The following ANO9 variants were observed in gnomAD, a reference collection of about 807,000 sequenced individuals.
ANO9 encodes the protein anoctamin 9, also known as anoctamin-9.
A neutral mutation model predicts 100.5 loss-of-function variants in ANO9; 80 were observed. The ratio of observed to expected loss-of-function variants is 0.80; its 90% CI spans 0.66 to 0.96. The LOEUF (loss-of-function observed/expected upper bound fraction) is 0.96. ANO9 is among the 40% of genes least tolerant of loss of function. The probability of loss-of-function intolerance (pLI) is 0.00; values close to 1 mark genes in which losing one functional copy is unlikely to be tolerated. For missense variants in ANO9, 1,064 were observed against 1,072.7 expected (o/e 0.99, Z 0.11); for synonymous variants, 473 against 435.6 (o/e 1.09, Z -1.07).
chr11:428,554 A>T lies in ANO9; in HGVS notation c.1106T>A (p.Phe369Tyr), dbSNP rs1453051630. The part of the protein sequence containing the change: ...SALFSSSAVP[F>Y]LEEQVTTAVV... ...GGCCGTGGTCACCTGCTCCTCCAGG[A>T]AGGGCACGGCCGAGCTGCTGAAGAG... is the stretch of plus-strand genomic sequence containing the variant. Residue 369 changes from phenylalanine to tyrosine, a missense_variant, in exon 13 of 23, where the codon TTC (phenylalanine) becomes TAC (tyrosine). Phe to Tyr is a conservative substitution (Grantham distance 22). Transcript: ENST00000332826. The T allele has an allele frequency of 2.5e-6, 4 of 1,612,652 alleles. No homozygotes were observed.
chr11:426,937 C>T (rs775660155), intron 15 of ANO9, among the ~76,000 whole-genome samples: 1 of 152,204 alleles, frequency 6.6e-6, no homozygotes, highest in Non-Finnish European at 1.5e-5. Flanking sequence ...TCCTCCCCAA[C>T]CCCAGCTGGC....
intron 20 of ANO9, 132 bp downstream of exon 20, chr11:419,450 C>T: frequency 6.9e-7 from 1 of 1,449,570 alleles, no homozygotes; most frequent in Non-Finnish European, 9.1e-7. Flanking sequence ...ACCCCCAGGC[C>T]CCAGCCTCAC....
intron 1 of ANO9, among the ~76,000 whole-genome samples, chr11:436,455 G>C (rs141656078): frequency 6.6e-6 from 1 of 151,822 alleles, no homozygotes; most frequent in Non-Finnish European, 1.5e-5. Flanking sequence ...CAGGAGCTAC[G>C]GGTTCTGGGA....
chr11:433,470 A>G lies in ANO9; in HGVS notation c.205-11T>C, dbSNP rs1849186201. 1 of 1,611,002 alleles carries G rather than the reference A, an allele frequency of 6.2e-7. No homozygotes were observed. The highest frequency in any genetic ancestry group is 8.5e-7 in the Non-Finnish European group (1 of 1,179,016). On this transcript the variant is annotated splice_polypyrimidine_tract_variant and intron_variant, in intron 3 of 22. Coordinates refer to ENST00000332826, the MANE Select transcript of ANO9 (RefSeq NM_001012302.3). ...CTGGTCCCGGATCACCTGGGGGCAC[A>G]TGGGATCCTCTATCCCACCTCAGAA...
In ANO9 at chr11:419,787, T is replaced by C. The variant is rs111435870; in HGVS notation, c.1787-58A>G. 9.9e-5 allele frequency: 152 copies of C among 1,541,344 alleles called. No individual in the cohort carries two copies. The African/African-American group carries it at 1.4e-3, about 14-fold the overall frequency. On this transcript the variant is annotated intron_variant, in intron 19 of 22. Coordinates refer to ENST00000332826, the MANE Select transcript of ANO9 (RefSeq NM_001012302.3). ...CAGCGTCCCTCGGCTGGTTCTGCCC[T>C]CACCCCCACCCCCGGCCAACACGGG...
intron 1 of ANO9, among the ~76,000 whole-genome samples, 162 bp downstream of exon 1, chr11:441,759 G>A (rs965014721): frequency 6.6e-6 from 1 of 152,174 alleles, no homozygotes; most frequent in African/African-American, 2.4e-5. Flanking sequence ...GCTTAGCTGA[G>A]CCGGGCGGTC....
At chr11:419,994 C>A (rs12418575) in intron 19 of ANO9, 1,107,143 of 1,368,076 alleles carry the variant, frequency 0.81, 449,885 homozygotes, top group East Asian at 1. Flanking sequence ...CTGTGCCCCC[C>A]AGCCACTCCA....
chr11:420,963 C>T lies in ANO9; in HGVS notation c.1472G>A (p.Cys491Tyr), dbSNP rs372617082. The T allele has an allele frequency of 6.2e-7, 1 of 1,605,968 alleles. No homozygotes were observed. The highest frequency in any genetic ancestry group is 2.2e-5 in the East Asian group (1 of 44,664). Reference protein sequence around the residue: ...IMGLKQTLSNCVEYLVPWVTH... With the variant: ...IMGLKQTLSNYVEYLVPWVTH... ...CACTCACGGGACCAGGTACTCGACG[C>T]AGTTGCTGAGCGTCTGCTTCAGGCC... The change falls in exon 17 of 23, where the codon TGC becomes TAC. Residue 491 changes from cysteine (C) to tyrosine (Y), a missense_variant. Coordinates refer to ENST00000332826, the MANE Select transcript of ANO9 (RefSeq NM_001012302.3).
rs752340326 is a variant in ANO9 at position 421,128 on chromosome 11, G to C, written c.1392+13C>G. 6.4e-7 allele frequency: 1 copy of C among 1,571,340 alleles called. No homozygotes were observed. Among genetic ancestry groups the C allele is most frequent in the Non-Finnish European group, 8.7e-7 (1 of 1,153,552 alleles). ...GGCTCAGGGACAGGGCATGAAGCCT[G>C]GGGGTGACTGACCTCTTCCAGCTTC... is the stretch of plus-strand genomic sequence containing the variant. On this transcript the variant is annotated intron_variant, in intron 16 of 22. Transcript: ENST00000332826. This position sits in a 1 kb window ranked among gnomAD's most constrained non-coding sequence, Gnocchi z 6.8.
At chr11:438,703 C>A (rs565253519) in intron 1 of ANO9, among the ~76,000 whole-genome samples, 2 of 152,066 alleles carry the variant, frequency 1.3e-5, no homozygotes, top group Non-Finnish European at 2.9e-5. Context: ...CCAGTGTTTA[C>A]GGACCACGGG....
At chr11:419,790 C>G in intron 19 of ANO9, 61 bp from the exon 20 acceptor site, 2 of 1,581,284 alleles carry the variant, frequency 1.3e-6, no homozygotes, top group Non-Finnish European at 1.7e-6. Context: ...TCTGCCCTCA[C>G]CCCCACCCCC....
In ANO9 at chr11:422,916, A is replaced by C. The variant is rs1848278986; in HGVS notation, c.1335-1718T>G. Among the ~76,000 whole-genome samples the C allele has an allele frequency of 6.7e-6, 1 of 148,448 alleles. No individual in the cohort carries two copies. Among genetic ancestry groups the C allele is most frequent in the East Asian group, 2.0e-4 (1 of 5,070 alleles). ...ATGATCTTGGCTCACTACAACCTCC[A>C]CCTTCCGGGTTTAAGTGATTCTCCT... On this transcript the variant is annotated intron_variant, in intron 15 of 22. Transcript: ENST00000332826. The surrounding 1 kb of genome is among the most constrained non-coding windows in gnomAD (Gnocchi z 4.3).
chr11:422,807 C>G lies in ANO9; in HGVS notation c.1335-1609G>C, dbSNP rs1848270751. 6.6e-6 allele frequency among the ~76,000 whole-genome samples: 1 copy of G among 151,294 alleles called. No homozygotes were observed. The highest frequency in any genetic ancestry group is 1.5e-5 in the Non-Finnish European group (1 of 67,898). ...GAAATAATGTATCATTTTACTTATA[C>G]AATCTTAAGCCAAGTCCCACAGAAT... On this transcript the variant is annotated intron_variant, in intron 15 of 22. Transcript: ENST00000332826. The surrounding 1 kb of genome is among the most constrained non-coding windows in gnomAD (Gnocchi z 4.3).
rs1301108599 is a variant in ANO9 at position 421,068 on chromosome 11, A to G, written c.1393-26T>C. ...CTGCGGGGCCAGACAGGAGGAGATC[A>G]GGGAGGGGTCCTGGGGGACGGTCAG... On this transcript the variant is annotated intron_variant, in intron 16 of 22. Coordinates refer to ENST00000332826, the MANE Select transcript of ANO9 (RefSeq NM_001012302.3). This position sits in a 1 kb window ranked among gnomAD's most constrained non-coding sequence, Gnocchi z 6.8. 6.3e-7 allele frequency: 1 copy of G among 1,593,626 alleles called. No individual in the cohort carries two copies. The highest frequency in any genetic ancestry group is 2.3e-5 in the East Asian group (1 of 44,324).
chr11:429,673 G>C, intron 10 of ANO9, 21 bp from the exon 11 acceptor site: 1 of 1,612,586 alleles, frequency 6.2e-7, no homozygotes, highest in Non-Finnish European at 8.5e-7. Flanking sequence ...GGCAAGGAGG[G>C]GCATCACTGC....
In ANO9 at chr11:432,108, G is replaced by C. The variant is rs1849060297; in HGVS notation, c.351-54C>G. On this transcript the variant is annotated intron_variant, in intron 4 of 22. Coordinates refer to ENST00000332826, the MANE Select transcript of ANO9 (RefSeq NM_001012302.3). This position sits in a 1 kb window ranked among gnomAD's most constrained non-coding sequence, Gnocchi z 4.8. ...GTGACCACAGTGGACCCTGCCTCCA[G>C]GTCTCAACCTGCCCTCTGGTCTGGC... 3.8e-6 allele frequency: 6 copies of C among 1,595,164 alleles called. No homozygotes were observed. Among genetic ancestry groups the C allele is most frequent in the Non-Finnish European group, 5.1e-6 (6 of 1,166,902 alleles).
chr11:431,830 G>T lies in ANO9; in HGVS notation c.465+18C>A, dbSNP rs2133701998. 6.2e-7 allele frequency: 1 copy of T among 1,611,476 alleles called. No individual in the cohort carries two copies. Among genetic ancestry groups the T allele is most frequent in the East Asian group, 2.2e-5 (1 of 44,812 alleles). Reference sequence around the variant, plus strand: ...GGGTCCCACCCCAGGGCCCTCTCCAGGCCAGCCCACCCCTCACCTTGTGCA... The same window carrying T: ...GGGTCCCACCCCAGGGCCCTCTCCATGCCAGCCCACCCCTCACCTTGTGCA... On this transcript the variant is annotated intron_variant, in intron 6 of 22. Transcript: ENST00000332826.
rs1455310237 is a variant in ANO9 at position 428,393 on chromosome 11, A to T, written c.1187T>A (p.Ile396Asn). 1 of 1,612,630 alleles carries T rather than the reference A, an allele frequency of 6.2e-7. No individual in the cohort carries two copies. Among genetic ancestry groups the T allele is most frequent in the Non-Finnish European group, 8.5e-7 (1 of 1,179,922 alleles). ...HYVTIIIMTK[I>N]NRCVALKLCD... ...AAGCTTCAGGGCCACGCACCTGTTG[A>T]TCTGCGGAGGAGGGCACCGAATGGG... Residue 396 changes from isoleucine to asparagine, a missense_variant and splice_region_variant, in exon 14 of 23, where the codon ATC becomes AAC. Transcript: ENST00000332826.
chr11:428,301 C>T (rs983492534), intron 14 of ANO9, 57 bp downstream of exon 14: 11 of 1,610,000 alleles, frequency 6.8e-6, no homozygotes, highest in African/African-American at 6.7e-5. Flanking sequence ...GCCCCAAGGC[C>T]CCAGCCCTGA....
Sources: allele counts gnomAD v4.1 joint callset (sites outside exome capture counted in the v4.1 genomes callset), GRCh38; gene constraint gnomAD v4.1.1; non-coding constraint Gnocchi (gnomAD v3.1); transcripts MANE v1.5; gene names NCBI Gene and HGNC (gene_info 2026-07-23, HGNC 2026-07-21).